The following SEMA4D variants were observed in gnomAD, a reference collection of about 807,000 sequenced individuals.
SEMA4D encodes semaphorin 4D.
A neutral mutation model predicts 74.8 loss-of-function variants in SEMA4D; 22 were observed. The ratio of observed to expected loss-of-function variants is 0.29; its 90% CI spans 0.21 to 0.42. The LOEUF is 0.42. SEMA4D is among the 10% of genes least tolerant of loss of function. The pLI, the probability that SEMA4D is intolerant of heterozygous loss-of-function variation, is 1.00. For missense variants in SEMA4D, 937 were observed against 1,118.4 expected, an observed-to-expected ratio of 0.84 and a Z score of 2.31; for synonymous variants, 445 against 463.7, an observed-to-expected ratio of 0.96 and a Z score of 0.52.
At chr9:89,416,843 AGT>A (rs1214909704) in intron 2 of SEMA4D, among the ~76,000 whole-genome samples, 1 of 152,214 alleles carries the variant, frequency 6.6e-6, no homozygotes, top group Non-Finnish European at 1.5e-5. Context: ...CCACCACATT[AGT>A]GTATGGAGCT....
chr9:89,445,548 G>A (rs931227814), intron 2 of SEMA4D, among the ~76,000 whole-genome samples: 3 of 152,004 alleles, frequency 2.0e-5, no homozygotes, highest in African/African-American at 7.2e-5. Context: ...AGCGTTCCTT[G>A]CTTTGTGGTT....
At chr9:89,363,661 C>T in intron 17 of SEMA4D, 1 of 1,592,644 alleles carries the variant, frequency 6.3e-7, no homozygotes, top group Non-Finnish European at 8.6e-7. Flanking sequence ...GCATGCTTTC[C>T]AGCTGTTTTT....
chr9:89,465,638 AAAT>A lies in SEMA4D; in HGVS notation c.-309-9688_-309-9686del, dbSNP rs150918364. ...TTATGTGAATTTCACCTCAAGAAAA[AAAT>A]AATACAGAGTAAAAGAATATTGACA... On this transcript the variant is annotated intron_variant, in intron 1 of 15. Transcript: ENST00000422704. Among the ~76,000 whole-genome samples the A allele has an allele frequency of 6.6e-5, 10 of 152,384 alleles. No homozygotes were observed. The East Asian group carries it at 1.3e-3, about 21-fold the overall frequency.
In SEMA4D at chr9:89,377,272, C is replaced by A; in HGVS notation, c.*1432G>T. On this transcript the variant is annotated 3_prime_UTR_variant, in exon 16 of 16. Transcript: ENST00000422704. ...GCTTCTCATTTATTTGGGTACTTTC[C>A]AAATGTATACAATTCAAAGTAGAAA... 5.3e-6 allele frequency: 3 copies of A among 569,954 alleles called. No individual in the cohort carries two copies. Among genetic ancestry groups the A allele is most frequent in the Non-Finnish European group, 8.4e-6 (3 of 356,850 alleles). The allele number at this position is 569,954 out of a possible 1,614,324, so 35.3% of individuals were successfully genotyped here.
At chr9:89,493,973 T>C (rs1289678056) in intron 1 of SEMA4D, among the ~76,000 whole-genome samples, 1 of 152,204 alleles carries the variant, frequency 6.6e-6, no homozygotes. Flanking sequence ...GTCAGGGTCT[T>C]TGTCTTGTCT....
chr9:89,363,274 C>G (rs74351835), intron 18 of SEMA4D, among the ~76,000 whole-genome samples: 3,487 of 152,234 alleles, frequency 0.023, 123 homozygotes, highest in African/African-American at 0.079. Flanking sequence ...ATTTCCCCCC[C>G]CAGTGTTGCA....
intron 3 of SEMA4D, 42 bp downstream of exon 3, chr9:89,405,309 C>A: frequency 6.4e-7 from 1 of 1,550,894 alleles, no homozygotes; most frequent in East Asian, 2.2e-5. Context: ...AGTGAGGTCC[C>A]CATCCCAGGC....
chr9:89,376,960 G>A, downstream of SEMA4D: 1 of 1,550,606 alleles, frequency 6.4e-7, no homozygotes, highest in Non-Finnish European at 8.7e-7. Flanking sequence ...CTGGCCAGGG[G>A]GTCCAGGGAG....
chr9:89,433,940 C>A (rs1849825485), intron 2 of SEMA4D, among the ~76,000 whole-genome samples: 1 of 152,224 alleles, frequency 6.6e-6, no homozygotes, highest in Non-Finnish European at 1.5e-5. Context: ...GACATGGATG[C>A]TATGATGAGC....
At chr9:89,462,071 T>C (rs181434562) in intron 1 of SEMA4D, among the ~76,000 whole-genome samples, 68 of 152,326 alleles carry the variant, frequency 4.5e-4, no homozygotes, top group Admixed American at 6.5e-4. Flanking sequence ...CTGCTTTTCC[T>C]AGTGATGCAT....
In SEMA4D at chr9:89,388,751, G is replaced by T; in HGVS notation, c.992C>A (p.Ser331Tyr). The T allele has an allele frequency of 6.2e-7, 1 of 1,611,458 alleles. No individual in the cohort carries two copies. The part of the protein sequence containing the change: ...GLSAVCAYNL[S>Y]TAEEVFSHGK... Reference sequence around the variant, plus strand: ...GTGGGAGAAGACCTCCTCGGCTGTGGACAGGTTGTAGGCGCACACTGCCGA... The same window carrying T: ...GTGGGAGAAGACCTCCTCGGCTGTGTACAGGTTGTAGGCGCACACTGCCGA... Residue 331 changes from serine (S) to tyrosine (Y), a missense_variant, in exon 11 of 16, where the codon TCC (serine) becomes TAC (tyrosine). Physicochemically the swap from Ser to Tyr is moderately radical, Grantham distance 144 (BLOSUM62 -2). Transcript: ENST00000422704.
At chr9:89,386,249 G>A (rs531346346) in intron 13 of SEMA4D, 118 bp downstream of exon 13, 21 of 1,006,864 alleles carry the variant, frequency 2.1e-5, no homozygotes, top group African/African-American at 3.3e-5. Context: ...CTCACCCAGG[G>A]CAGACAGACA....
intron 4 of SEMA4D, among the ~76,000 whole-genome samples, chr9:89,400,542 C>T (rs1038097451): frequency 7.9e-5 from 12 of 152,198 alleles, no homozygotes; most frequent in African/African-American, 2.9e-4. Flanking sequence ...AGTTCCTGAA[C>T]AGCACCCAGG....
intron 2 of SEMA4D, among the ~76,000 whole-genome samples, chr9:89,406,212 T>C (rs11265792): frequency 0.094 from 14,252 of 152,114 alleles, 1,059 homozygotes; most frequent in East Asian, 0.32. Context: ...CACACATATG[T>C]ACACACACAC....
intron 2 of SEMA4D, among the ~76,000 whole-genome samples, chr9:89,452,330 C>G (rs961466814): frequency 3.9e-5 from 6 of 152,076 alleles, no homozygotes; most frequent in Non-Finnish European, 5.9e-5. Flanking sequence ...AGGCGCCCAC[C>G]ACAATGCCCG....
At chr9:89,420,452 GGA>G (rs1405784615) in intron 2 of SEMA4D, among the ~76,000 whole-genome samples, 8 of 152,186 alleles carry the variant, frequency 5.3e-5, no homozygotes, top group African/African-American at 1.9e-4. Context: ...AAATTAATTA[GGA>G]GAGAGAAGCA....
intron 1 of SEMA4D, among the ~76,000 whole-genome samples, chr9:89,459,761 C>T (rs1856797436): frequency 1.3e-5 from 2 of 152,190 alleles, no homozygotes; most frequent in Admixed American, 1.3e-4. Flanking sequence ...GAAGCAGGGA[C>T]CAAGGTCCTC....
chr9:89,455,606 C>T (rs1057199204), intron 2 of SEMA4D, among the ~76,000 whole-genome samples: 3 of 152,190 alleles, frequency 2.0e-5, no homozygotes, highest in African/African-American at 7.2e-5. Flanking sequence ...CCAAACAAGC[C>T]ACACTCAGCA....
intron 1 of SEMA4D, among the ~76,000 whole-genome samples, chr9:89,460,341 G>T (rs1209852237): frequency 6.6e-6 from 1 of 152,208 alleles, no homozygotes; most frequent in East Asian, 1.9e-4. Flanking sequence ...AAGCCCTTTG[G>T]CCTAACCTTT....
Sources: allele counts gnomAD v4.1 joint callset (sites outside exome capture counted in the v4.1 genomes callset), GRCh38; gene constraint gnomAD v4.1.1; transcripts MANE v1.5; gene names NCBI Gene and HGNC (gene_info 2026-07-23, HGNC 2026-07-21).